IL1RL2: variants seen among roughly 807,000 people sequenced by gnomAD.
The protein encoded by IL1RL2 is interleukin-1 receptor-like 2.
Under a neutral mutation model 66.8 loss-of-function variants are expected in IL1RL2, and 68 were observed. That is an observed-to-expected ratio of 1.02 (90% CI 0.84 to 1.25). The LOEUF (loss-of-function observed/expected upper bound fraction) is 1.25, where lower values mean the gene tolerates loss of function less well. Among genes scored for constraint, IL1RL2 ranks in the 50% most tolerant of loss-of-function variants. The pLI, the probability that IL1RL2 is intolerant of heterozygous loss-of-function variation, is 0.00. For missense variants in IL1RL2, 729 were observed against 709.3 expected, an observed-to-expected ratio of 1.03 and a Z score of -0.32; for synonymous variants, 305 against 264.6, an observed-to-expected ratio of 1.15 and a Z score of -1.48.
At chr2:102,221,188 C>A (rs1180426729) in intron 8 of IL1RL2, among the ~76,000 whole-genome samples, 3 of 152,104 alleles carry the variant, frequency 2.0e-5, no homozygotes, top group African/African-American at 7.2e-5. Context: ...ATAAAGCATC[C>A]TTCTCCATCA....
intron 8 of IL1RL2, among the ~76,000 whole-genome samples, chr2:102,224,637 A>G (rs1690443127): frequency 6.6e-6 from 1 of 152,202 alleles, no homozygotes; most frequent in Admixed American, 6.5e-5. Context: ...GTTTGATAGT[A>G]GGAATGAGAT....
chr2:102,210,458 G>A (rs1024727978), intron 5 of IL1RL2, among the ~76,000 whole-genome samples: 5 of 152,164 alleles, frequency 3.3e-5, no homozygotes, highest in South Asian at 2.1e-4. Context: ...CAGACTGGCC[G>A]CTGTGCACAG....
rs1169625642 is a variant in IL1RL2, at chr2:102,233,106, G to A, written c.1279G>A (p.Asp427Asn). ...ATATAAGTTGTTTATATTCGGCAGA[G>A]ATGAATTCCCTGGACAAGGTGGGTT... Reference protein sequence around the residue: ...CGYKLFIFGRDEFPGQAVANV... With the variant: ...CGYKLFIFGRNEFPGQAVANV... Residue 427 changes from aspartate (D) to asparagine (N), a missense_variant, in exon 10 of 12, where the codon GAT (aspartate) becomes AAT (asparagine). By Grantham distance (23) the Asp-to-Asn change is conservative. Transcript: ENST00000264257. 2 of 1,606,872 alleles carry A rather than the reference G, an allele frequency of 1.2e-6. No individual in the cohort carries two copies. The highest frequency in any genetic ancestry group is 1.7e-6 in the Non-Finnish European group (2 of 1,175,562).
downstream of IL1RL2, among the ~76,000 whole-genome samples, chr2:102,240,674 C>T (rs1675205896): frequency 6.6e-6 from 1 of 152,190 alleles, no homozygotes; most frequent in Admixed American, 6.5e-5. Flanking sequence ...GCCTCTCAGG[C>T]TGCTGGTCCC....
At chr2:102,200,182 A>G (rs1181539740) in intron 4 of IL1RL2, among the ~76,000 whole-genome samples, 1 of 143,314 alleles carries the variant, frequency 7.0e-6, no homozygotes, top group Non-Finnish European at 1.6e-5. Flanking sequence ...ACAATATCAG[A>G]GTCTGATCCC....
chr2:102,226,358 C>T (rs997877349), intron 9 of IL1RL2, among the ~76,000 whole-genome samples: 4 of 152,196 alleles, frequency 2.6e-5, no homozygotes, highest in Middle Eastern at 3.2e-3. Context: ...GGGAAAGTTT[C>T]TCCGAAACCA....
intron 11 of IL1RL2, 117 bp from the exon 12 acceptor site, chr2:102,239,075 C>T: frequency 2.4e-6 from 2 of 822,670 alleles, no homozygotes; most frequent in East Asian, 2.6e-5. Context: ...CAGGGATATA[C>T]CACCAGATGA....
At position 102,239,452 on chromosome 2, in the gene IL1RL2, T is replaced by G. The variant is rs1675142378; in HGVS notation, c.*211T>G. On this transcript the variant is annotated 3_prime_UTR_variant, in exon 12 of 12. Coordinates refer to ENST00000264257, the MANE Select transcript of IL1RL2 (RefSeq NM_003854.4). ...AGAGCTGGGGCCATCCCCGTGGTCA[T>G]GGAGGGTGAGAGCTGGGGGTTATCC... The G allele has an allele frequency of 2.0e-6, 1 of 499,770 alleles. No homozygotes were observed. The allele number at this position is 499,770 out of a possible 1,614,324, so 31.0% of individuals were successfully genotyped here.
chr2:102,205,466 G>T (rs563672875), intron 5 of IL1RL2, among the ~76,000 whole-genome samples: 1 of 152,034 alleles, frequency 6.6e-6, no homozygotes, highest in Admixed American at 6.6e-5. Context: ...TTCAGCTTTC[G>T]TTTGTCTGGG....
At chr2:102,240,334 C>T (rs1318789384), downstream of IL1RL2, among the ~76,000 whole-genome samples, 4 of 136,786 alleles carry the variant, frequency 2.9e-5, no homozygotes, top group African/African-American at 1.1e-4. Flanking sequence ...CTGATGGCCT[C>T]ATTTCTCCAA....
chr2:102,189,911 C>CAAAGTGCTGGGATTACAGGCCTGA, intron 3 of IL1RL2, among the ~76,000 whole-genome samples: 1 of 152,340 alleles, frequency 6.6e-6, no homozygotes, highest in Admixed American at 6.5e-5. Flanking sequence ...CTTGGCCTCC[C>CAAAGTGCTGGGATTACAGGCCTGA]AAAGTGCTGG....
chr2:102,225,933 A>T lies in IL1RL2; in HGVS notation c.1027A>T (p.Ile343Phe). ...DFRAYLIGGLIALVAVAVSVV... is the reference protein window; with the variant it reads ...DFRAYLIGGLFALVAVAVSVV... ...TCGAGCTTACTTGATAGGAGGGCTT[A>T]TCGCCTTGGTGGCTGTGGCTGTGTC... Residue 343 changes from isoleucine to phenylalanine, a missense_variant, in exon 9 of 12, where the codon ATC becomes TTC. By Grantham distance (21) the Ile-to-Phe change is conservative. Transcript: ENST00000264257. 6.2e-7 allele frequency: 1 copy of T among 1,605,296 alleles called. No homozygotes were observed. The highest frequency in any genetic ancestry group is 8.5e-7 in the Non-Finnish European group (1 of 1,175,552).
intron 5 of IL1RL2, among the ~76,000 whole-genome samples, chr2:102,205,869 A>T (rs1390597143): frequency 1.3e-5 from 2 of 152,036 alleles, no homozygotes; most frequent in African/African-American, 4.8e-5. Context: ...TAACTTTTAG[A>T]TTTGCCCTTT....
chr2:102,242,425 C>T (rs1675252403), downstream of IL1RL2, among the ~76,000 whole-genome samples: 1 of 151,966 alleles, frequency 6.6e-6, no homozygotes, highest in African/African-American at 2.4e-5. Flanking sequence ...CTGAGAAGGC[C>T]CACAATCCAC....
At chr2:102,187,763 G>C in intron 1 of IL1RL2, 93 bp from the exon 2 acceptor site, 1 of 1,054,336 alleles carries the variant, frequency 9.5e-7, no homozygotes, top group African/African-American at 1.6e-5. Context: ...CGGCCTGGGC[G>C]GTTGTCTTTG....
At chr2:102,213,700 T>A (rs1045424826) in intron 6 of IL1RL2, among the ~76,000 whole-genome samples, 3 of 152,170 alleles carry the variant, frequency 2.0e-5, no homozygotes, top group Non-Finnish European at 4.4e-5. Flanking sequence ...TTAAATAACA[T>A]TATTATTAGT....
intron 8 of IL1RL2, among the ~76,000 whole-genome samples, chr2:102,224,185 A>G (rs180728628): frequency 5.9e-4 from 90 of 152,328 alleles, no homozygotes; most frequent in Admixed American, 2.5e-3. Context: ...TAAAAATATA[A>G]CAACCATATG....
rs10179283 is a variant in IL1RL2, at chr2:102,209,890, T to C, written c.650-2210T>C. Among the ~76,000 whole-genome samples the C allele has an allele frequency of 5.4e-3, 823 of 152,250 alleles. 12 individuals carry two copies. Among genetic ancestry groups the C allele is most frequent in the African/African-American group, 0.019 (790 of 41,534 alleles). On this transcript the variant is annotated intron_variant, in intron 5 of 11. Transcript: ENST00000264257. ...CATTTAAGAACTCTTTGCTGAGTACTGAACAAAGCTAGGTTCTGTGCCAGG... is the reference window on the plus strand; with the variant it reads ...CATTTAAGAACTCTTTGCTGAGTACCGAACAAAGCTAGGTTCTGTGCCAGG...
intron 4 of IL1RL2, among the ~76,000 whole-genome samples, chr2:102,195,623 TTCTTTCTCTCTCTCTCTCTCTC>T (rs1559530233): frequency 5.1e-4 from 7 of 13,720 alleles, no homozygotes; most frequent in Admixed American, 1.3e-3. Context: ...CTTTCTTTCT[TTCTTTCTCTCTCTCTCTCTCTC>T]TCTTTCTTTC....
Sources: gnomAD v4.1 joint callset for allele counts (sites outside exome capture counted in the v4.1 genomes callset) on GRCh38, gnomAD v4.1.1 for gene constraint, MANE v1.5 for transcripts, NCBI Gene and HGNC (gene_info 2026-07-23, HGNC 2026-07-21) for gene names.